CALCR: variants seen among roughly 807,000 people sequenced by gnomAD.
CALCR encodes the protein calcitonin receptor.
A neutral mutation model predicts 59.5 loss-of-function variants in CALCR; 47 were observed. The ratio of observed to expected loss-of-function variants is 0.79; its 90% CI spans 0.63 to 1.01. CALCR has a LOEUF of 1.01. CALCR is among the 50% of genes least tolerant of loss of function. The pLI, the probability that CALCR is intolerant of heterozygous loss-of-function variation, is 0.00. For missense variants in CALCR, 566 were observed against 597.1 expected, an observed-to-expected ratio of 0.95 and a Z score of 0.54; for synonymous variants, 213 against 211.3, an observed-to-expected ratio of 1.01 and a Z score of -0.07.
Position 93,564,252 on chromosome 7 carries a change from G to C in CALCR, c.-27+10037C>G, listed in dbSNP as rs531797989. 2.6e-5 allele frequency among the ~76,000 whole-genome samples: 4 copies of C among 152,124 alleles called. 1 individual carries two copies. Among genetic ancestry groups the C allele is most frequent in the African/African-American group, 7.2e-5 (3 of 41,500 alleles). Reference sequence around the variant, plus strand: ...TTGGGAACCAAGTGGTGAATGTGTGGGGGGGGACAGAGTGCTGGTGGGCAG... The same window carrying C: ...TTGGGAACCAAGTGGTGAATGTGTGCGGGGGGACAGAGTGCTGGTGGGCAG... On this transcript the variant is annotated intron_variant, in intron 2 of 13. Coordinates refer to ENST00000426151, the MANE Select transcript of CALCR (RefSeq NM_001742.4).
At position 93,462,124 on chromosome 7, in the gene CALCR, C is replaced by G. The variant is rs1800350050; in HGVS notation, c.522-1177G>C. ...GTTGTCAATTTTCTGCAATAAAAAGCAATTTAAGTAATAAAGGCAGCTGTT... is the reference window on the plus strand; with the variant it reads ...GTTGTCAATTTTCTGCAATAAAAAGGAATTTAAGTAATAAAGGCAGCTGTT... On this transcript the variant is annotated intron_variant, in intron 7 of 13. Coordinates refer to ENST00000426151, the MANE Select transcript of CALCR (RefSeq NM_001742.4). The G allele has an allele frequency of 2.8e-6, 4 of 1,424,410 alleles. No individual in the cohort carries two copies. In the South Asian group the frequency reaches 5.1e-5, roughly 18 times the overall value. 88.2% of individuals were successfully genotyped at this position (1,424,410 alleles called of 1,614,324 possible). A position where few individuals can be genotyped will look rare whatever the true frequency, so the allele number is the denominator to read the frequency against.
At chr7:93,477,984 A>AAAAAAAAAAAT (rs1800705797) in intron 4 of CALCR, among the ~76,000 whole-genome samples, 1 of 149,474 alleles carries the variant, frequency 6.7e-6, no homozygotes, top group African/African-American at 2.5e-5. Flanking sequence ...AAAAAAAAAA[A>AAAAAAAAAAAT]AAAAAAAAAA....
intron 8 of CALCR, among the ~76,000 whole-genome samples, chr7:93,448,818 CG>C (rs1421101136): frequency 6.6e-5 from 10 of 151,822 alleles, no homozygotes; most frequent in Non-Finnish European, 7.4e-5. Context: ...CTATTTTTGG[CG>C]GGCTGCAATA....
chr7:93,444,129 A>G (rs544381565), intron 8 of CALCR, among the ~76,000 whole-genome samples: 81 of 152,266 alleles, frequency 5.3e-4, no homozygotes, highest in Non-Finnish European at 9.7e-4. Flanking sequence ...TGAAGCAAAT[A>G]ACGCAGATAT....
chr7:93,501,712 G>T (rs1166515549), intron 2 of CALCR, among the ~76,000 whole-genome samples: 1 of 152,076 alleles, frequency 6.6e-6, no homozygotes, highest in Non-Finnish European at 1.5e-5. Context: ...AGGAGCTAAA[G>T]GACGCAGTGC....
In CALCR at chr7:93,543,651, T is replaced by TTA. The variant is rs1054411716; in HGVS notation, c.-27+30636_-27+30637dup. 9.9e-4 allele frequency among the ~76,000 whole-genome samples: 130 copies of TTA among 130,796 alleles called. 1 individual carries two copies. In the East Asian group the frequency reaches 0.019, roughly 19 times the overall value. 85.8% of individuals were successfully genotyped at this position (130,796 alleles called of 152,430 possible). On this transcript the variant is annotated intron_variant, in intron 2 of 13. Coordinates refer to ENST00000426151, the MANE Select transcript of CALCR (RefSeq NM_001742.4). ...TTAAATGTCATTGTATGGCCCATGA[T>TTA]TATATATATATATACACACACACAC...
At chr7:93,443,809 C>A in intron 8 of CALCR, 52 bp from the exon 9 acceptor site, 1 of 1,511,704 alleles carries the variant, frequency 6.6e-7, no homozygotes, top group South Asian at 1.2e-5. Flanking sequence ...AAAGATCTGC[C>A]AGGGAGCACA....
intron 8 of CALCR, among the ~76,000 whole-genome samples, chr7:93,445,070 G>A (rs1584541372): frequency 6.6e-6 from 1 of 152,200 alleles, no homozygotes; most frequent in East Asian, 1.9e-4. Flanking sequence ...CCCAGGAGAA[G>A]GCAGATATGG....
chr7:93,460,564 A>ATATATATATATATAT (rs1562982351), intron 8 of CALCR, among the ~76,000 whole-genome samples: 4 of 85,384 alleles, frequency 4.7e-5, no homozygotes, highest in African/African-American at 3.8e-4. Context: ...TAAAAAAAAA[A>ATATATATATATATAT]AAAAAAAAAT....
intron 2 of CALCR, among the ~76,000 whole-genome samples, chr7:93,496,471 C>T (rs1028103415): frequency 6.6e-6 from 1 of 151,466 alleles, no homozygotes; most frequent in South Asian, 2.1e-4. Context: ...ATTAAGCCTG[C>T]AAGTCATGAG....
chr7:93,517,882 A>C (rs1048775184), intron 2 of CALCR, among the ~76,000 whole-genome samples: 1 of 151,814 alleles, frequency 6.6e-6, no homozygotes, highest in African/African-American at 2.4e-5. Flanking sequence ...AATAAGTCCA[A>C]CTCCCCTTAG....
intron 2 of CALCR, among the ~76,000 whole-genome samples, chr7:93,569,036 C>T (rs546786063): frequency 1.6e-4 from 24 of 151,936 alleles, no homozygotes; most frequent in African/African-American, 5.8e-4. Flanking sequence ...TAATTTCTAT[C>T]GTTCACCAAA....
intron 2 of CALCR, among the ~76,000 whole-genome samples, chr7:93,546,637 G>A (rs1563015785): frequency 1.3e-5 from 2 of 150,524 alleles, no homozygotes; most frequent in East Asian, 2.0e-4. Context: ...CTGCAGCCTC[G>A]ACCTTTCTGG....
intron 2 of CALCR, among the ~76,000 whole-genome samples, chr7:93,509,257 A>G (rs1194238481): frequency 1.3e-5 from 2 of 152,148 alleles, no homozygotes; most frequent in Non-Finnish European, 2.9e-5. Flanking sequence ...GGAAATGATG[A>G]AGTCTTACCT....
chr7:93,574,639 A>G (rs1005798581), intron 1 of CALCR, 53 bp downstream of exon 1: 2 of 152,346 alleles, frequency 1.3e-5, no homozygotes, highest in African/African-American at 4.8e-5. Flanking sequence ...CTAAAAGACA[A>G]CTGTTCTTTC....
At chr7:93,467,748 C>T (rs1304534813) in intron 7 of CALCR, among the ~76,000 whole-genome samples, 2 of 151,468 alleles carry the variant, frequency 1.3e-5, no homozygotes, top group South Asian at 2.1e-4. Flanking sequence ...TCTGAGTCTA[C>T]AAAAGGGCTT....
intron 2 of CALCR, among the ~76,000 whole-genome samples, chr7:93,566,788 G>T (rs1228993675): frequency 6.6e-6 from 1 of 151,910 alleles, no homozygotes; most frequent in African/African-American, 2.4e-5. Context: ...GCTGTTTTTT[G>T]TTTTTGTTTT....
chr7:93,477,759 C>T, intron 4 of CALCR, 91 bp from the exon 5 acceptor site: 1 of 763,224 alleles, frequency 1.3e-6, no homozygotes, highest in Non-Finnish European at 2.3e-6. Context: ...AGTAGCTGAG[C>T]TCACTACACC....
At chr7:93,526,125 A>G (rs1228478361) in intron 2 of CALCR, among the ~76,000 whole-genome samples, 1 of 152,170 alleles carries the variant, frequency 6.6e-6, no homozygotes, top group Admixed American at 6.5e-5. Context: ...TTTCAAAGTG[A>G]TTCATGGGCA....
Sources: allele counts gnomAD v4.1 joint callset (sites outside exome capture counted in the v4.1 genomes callset), GRCh38; gene constraint gnomAD v4.1.1; transcripts MANE v1.5; gene names NCBI Gene and HGNC (gene_info 2026-07-23, HGNC 2026-07-21).